Variants in GSTK1 observed in about 807,000 individuals in gnomAD.
GSTK1 encodes the protein glutathione S-transferase kappa 1, also known as GST class-kappa.
A neutral mutation model predicts 30.9 loss-of-function variants in GSTK1; 25 were observed. The observed-to-expected ratio is 0.81, with a 90% CI of 0.59 to 1.13. GSTK1 has a LOEUF of 1.13. Ranked by LOEUF, GSTK1 falls within the 50% of genes most tolerant of loss-of-function variation. The pLI, the probability that GSTK1 is intolerant of heterozygous loss-of-function variation, is 0.00. For missense variants in GSTK1, 292 were observed against 292.4 expected (o/e 1.00, Z 0.01); for synonymous variants, 108 against 112.5 (o/e 0.96, Z 0.25).
chr7:143,264,071 G>T lies in GSTK1; in HGVS notation c.73-15G>T. 1 of 1,613,078 alleles carries T rather than the reference G, an allele frequency of 6.2e-7. No homozygotes were observed. Among genetic ancestry groups the T allele is most frequent in the South Asian group, 1.1e-5 (1 of 91,032 alleles). On this transcript the variant is annotated splice_polypyrimidine_tract_variant and intron_variant, in intron 1 of 7. Transcript: ENST00000358406. ...ATCTTGCACACTGGCAATCGTTCTT[G>T]ACCTCTGCCCGCAGATCCTGTGCCG...
chr7:143,263,621 GGAGT>G, intron 1 of GSTK1, 36 bp downstream of exon 1: 1 of 1,582,306 alleles, frequency 6.3e-7, no homozygotes, highest in Non-Finnish European at 8.6e-7. Flanking sequence ...CAGTGTCTGG[GGAGT>G]GAGGGCGGAG....
intron 5 of GSTK1, among the ~76,000 whole-genome samples, chr7:143,267,398 T>C (rs1800910836): frequency 6.6e-6 from 1 of 152,212 alleles, no homozygotes; most frequent in Admixed American, 6.5e-5. Context: ...ATTTCTGTGA[T>C]TGACTCTGTG....
intron 3 of GSTK1, 57 bp downstream of exon 3, chr7:143,264,733 T>G (rs1800820912): frequency 6.2e-7 from 1 of 1,603,694 alleles, no homozygotes; most frequent in Admixed American, 1.7e-5. Context: ...AGTCGGAGAT[T>G]GAGGGATTGA....
In GSTK1 at chr7:143,263,541, C is replaced by T; in HGVS notation, c.28C>T (p.Leu10Phe). MGPLPRTVE[L>F]FYDVLSPYSW... ...GGGGCCCCTGCCGCGCACCGTGGAGCTCTTCTATGACGTGCTGTCCCCCTA... is the reference window on the plus strand; with the variant it reads ...GGGGCCCCTGCCGCGCACCGTGGAGTTCTTCTATGACGTGCTGTCCCCCTA... Residue 10 changes from leucine (L) to phenylalanine (F), a missense_variant, in exon 1 of 8, where the codon CTC (leucine) becomes TTC (phenylalanine). Physicochemically the swap from Leu to Phe is conservative, Grantham distance 22. Coordinates refer to ENST00000358406, the MANE Select transcript of GSTK1 (RefSeq NM_015917.3). 1 of 1,610,744 alleles carries T rather than the reference C, an allele frequency of 6.2e-7. No individual in the cohort carries two copies. Among genetic ancestry groups the T allele is most frequent in the Non-Finnish European group, 8.5e-7 (1 of 1,180,020 alleles).
At position 143,264,534 on chromosome 7, in the gene GSTK1, C is replaced by A; in HGVS notation, c.155-14C>A. ...GTCTTTTCTCACTTAGCGTGCCCAA[C>A]CTTCTCCTGGCAGGAAACAAGCCTC... On this transcript the variant is annotated splice_polypyrimidine_tract_variant and intron_variant, in intron 2 of 7. Coordinates refer to ENST00000358406, the MANE Select transcript of GSTK1 (RefSeq NM_015917.3). 3 of 1,613,926 alleles carry A rather than the reference C, an allele frequency of 1.9e-6. No individual in the cohort carries two copies. Among genetic ancestry groups the A allele is most frequent in the Non-Finnish European group, 2.5e-6 (3 of 1,179,842 alleles).
rs747429001 is a variant in GSTK1 at position 143,268,250 on chromosome 7, T to C, written c.631+66T>C. On this transcript the variant is annotated intron_variant, in intron 7 of 7. Coordinates refer to ENST00000358406, the MANE Select transcript of GSTK1 (RefSeq NM_015917.3). The surrounding 1 kb of genome is among the most constrained non-coding windows in gnomAD (Gnocchi z 4.1). ...GCTCACGCCTGTAATCCCAGCACTT[T>C]GGTAGGCTGAGGCGAGCAGAGCACG... The C allele has an allele frequency of 3.6e-4, 463 of 1,291,064 alleles. 1 individual carries two copies. Among genetic ancestry groups the C allele is most frequent in the Non-Finnish European group, 4.8e-4 (437 of 904,640 alleles). The allele number at this position is 1,291,064 out of a possible 1,614,324, so 80.0% of individuals were successfully genotyped here. A position where few individuals can be genotyped will look rare whatever the true frequency, so the allele number is the denominator to read the frequency against.
Position 143,263,584 on chromosome 7 carries a change from A to C in GSTK1, c.71A>C (p.Glu24Ala). The change falls in exon 1 of 8, where the codon GAG becomes GCG. Residue 24 changes from glutamate to alanine, a missense_variant and splice_region_variant. Glu to Ala is a moderately radical substitution (Grantham distance 107). Coordinates refer to ENST00000358406, the MANE Select transcript of GSTK1 (RefSeq NM_015917.3). ...TCCCCCTACTCCTGGCTGGGCTTCG[A>C]GGTGACGCTGGGAGGGGTCGCCTCG... ...VLSPYSWLGF[E>A]ILCRYQNIWN... 2 of 1,608,556 alleles carry C rather than the reference A, an allele frequency of 1.2e-6. No homozygotes were observed. The highest frequency in any genetic ancestry group is 1.3e-5 in the African/African-American group (1 of 75,014).
At chr7:143,265,222 T>TG in intron 4 of GSTK1, 39 bp from the exon 5 acceptor site, 1 of 1,605,062 alleles carries the variant, frequency 6.2e-7, no homozygotes, top group Non-Finnish European at 8.5e-7. Flanking sequence ...CACACCCCTC[T>TG]CCCCGCACCG....
intron 3 of GSTK1, 113 bp from the exon 4 acceptor site, chr7:143,264,879 G>A: frequency 2.3e-6 from 3 of 1,304,452 alleles, no homozygotes; most frequent in South Asian, 2.7e-5. Flanking sequence ...GGAACCTTGG[G>A]TGAGAGGCTG....
chr7:143,268,841 T>C lies in GSTK1; in HGVS notation c.*4T>C, dbSNP rs770253767. The C allele has an allele frequency of 6.2e-7, 1 of 1,613,694 alleles. No individual in the cohort carries two copies. Among genetic ancestry groups the C allele is most frequent in the Non-Finnish European group, 8.5e-7 (1 of 1,179,642 alleles). On this transcript the variant is annotated 3_prime_UTR_variant, in exon 8 of 8. Transcript: ENST00000358406. The surrounding 1 kb of genome is among the most constrained non-coding windows in gnomAD (Gnocchi z 4.1). ...AGCCGTGAATGCCAGACTTTAAGAT[T>C]GCCCGGAGGAAGCAAACTCTTCGTA...
chr7:143,265,131 G>T, intron 4 of GSTK1, 39 bp downstream of exon 4: 1 of 1,613,786 alleles, frequency 6.2e-7, no homozygotes, highest in Non-Finnish European at 8.5e-7. Context: ...GGAGGACCTT[G>T]GATGACTTTC....
chr7:143,264,432 G>C, intron 2 of GSTK1, 116 bp from the exon 3 acceptor site: 1 of 1,104,148 alleles, frequency 9.1e-7, no homozygotes. Context: ...CAACAAGAGC[G>C]AAACAACAAG....
At chr7:143,263,658 G>A (rs1800778906) in intron 1 of GSTK1, 73 bp downstream of exon 1, 3 of 1,399,092 alleles carry the variant, frequency 2.1e-6, no homozygotes, top group South Asian at 1.2e-5. Context: ...GCAGGGCTCC[G>A]GGACAGAGGT....
intron 1 of GSTK1, 150 bp from the exon 2 acceptor site, chr7:143,263,936 T>C (rs1800791901): frequency 1.5e-6 from 1 of 664,442 alleles, no homozygotes; most frequent in Admixed American, 2.6e-5. Context: ...AGATTTCTAG[T>C]AGTGAGGAGA....
intron 1 of GSTK1, 83 bp downstream of exon 1, chr7:143,263,668 T>C (rs1800779540): frequency 7.5e-7 from 1 of 1,336,402 alleles, no homozygotes; most frequent in Non-Finnish European, 1.1e-6. Context: ...GGGACAGAGG[T>C]CTCGTGTAAC....
At chr7:143,267,867 C>G (rs1800927542) in intron 6 of GSTK1, 134 bp downstream of exon 6, 2 of 716,196 alleles carry the variant, frequency 2.8e-6, no homozygotes, top group Non-Finnish European at 4.8e-6. Context: ...TTAAACAACC[C>G]TCATCTTCTT....
At chr7:143,264,221 C>A in intron 2 of GSTK1, 54 bp downstream of exon 2, 1 of 1,454,810 alleles carries the variant, frequency 6.9e-7, no homozygotes, top group Non-Finnish European at 9.6e-7. Context: ...GAGAGCCGAC[C>A]CCAGCGGGTC....
At chr7:143,266,397 A>C (rs1220843434) in intron 5 of GSTK1, among the ~76,000 whole-genome samples, 1 of 152,012 alleles carries the variant, frequency 6.6e-6, no homozygotes, top group African/African-American at 2.4e-5. Context: ...GAGTGGACTT[A>C]TTTTTGTTTT....
rs747358924 is a variant in GSTK1 at position 143,265,024 on chromosome 7, G to C, written c.316G>C (p.Val106Leu). 6.2e-7 allele frequency: 1 copy of C among 1,614,152 alleles called. No homozygotes were observed. Among genetic ancestry groups the C allele is most frequent in the Non-Finnish European group, 8.5e-7 (1 of 1,180,040 alleles). Residue 106 changes from valine to leucine, a missense_variant, in exon 4 of 8, where the codon GTG (valine) becomes CTG (leucine). Coordinates refer to ENST00000358406, the MANE Select transcript of GSTK1 (RefSeq NM_015917.3). ...GTCTGCCATGCGTTTCCTCACCGCC[G>C]TGAACTTGGAGCATCCAGAGATGCT... ...SLSAMRFLTA[V>L]NLEHPEMLEK...
Sources: allele counts gnomAD v4.1 joint callset (sites outside exome capture counted in the v4.1 genomes callset), GRCh38; gene constraint gnomAD v4.1.1; non-coding constraint Gnocchi (gnomAD v3.1); transcripts MANE v1.5; gene names NCBI Gene and HGNC (gene_info 2026-07-23, HGNC 2026-07-21).